EPS8: variants seen among roughly 807,000 people sequenced by gnomAD.
The protein encoded by EPS8 is epidermal growth factor receptor kinase substrate 8.
EPS8 carries 42 observed loss-of-function variants against 103.8 expected under a neutral mutation model. The observed-to-expected ratio is 0.40, with a 90% CI of 0.32 to 0.52. The LOEUF is 0.52. Among genes scored for constraint, EPS8 ranks in the 20% least tolerant of loss-of-function variants. The pLI, the probability that EPS8 is intolerant of heterozygous loss-of-function variation, is 0.40. For synonymous variants in EPS8, 344 were observed against 344.6 expected (o/e 1.00, Z 0.02); for missense variants, 969 against 1,005.1 (o/e 0.96, Z 0.49).
At position 15,769,747 on chromosome 12, in the gene EPS8, C is replaced by A. The variant is rs1470606004; in HGVS notation, c.-22+19414G>T. ...CAGTCTTTTGTCTAACACTAGCATT[C>A]ACGAGAATCTGATCACAGAGCAAAA... On this transcript the variant is annotated intron_variant, in intron 1 of 20. Transcript: ENST00000281172. The surrounding 1 kb of genome is among the most constrained non-coding windows in gnomAD (Gnocchi z 4.6). Among the ~76,000 whole-genome samples the A allele has an allele frequency of 6.6e-6, 1 of 152,116 alleles. No individual in the cohort carries two copies. The highest frequency in any genetic ancestry group is 1.9e-4 in the East Asian group (1 of 5,188).
intron 17 of EPS8, among the ~76,000 whole-genome samples, chr12:15,639,718 C>T (rs1006192159): frequency 1.2e-4 from 19 of 152,122 alleles, no homozygotes; most frequent in African/African-American, 3.1e-4. Context: ...TAAATTGTCA[C>T]GGCAGCAGAA....
At chr12:15,756,775 T>C (rs1946990304) in intron 1 of EPS8, among the ~76,000 whole-genome samples, 1 of 152,180 alleles carries the variant, frequency 6.6e-6, no homozygotes, top group African/African-American at 2.4e-5. Context: ...TTAAAACACA[T>C]ATATTTCTAT....
chr12:15,681,923 G>A (rs1946015874), intron 2 of EPS8, among the ~76,000 whole-genome samples: 3 of 151,954 alleles, frequency 2.0e-5, no homozygotes. Context: ...AGGACTATGG[G>A]AGGGGGAAAC....
intron 1 of EPS8, among the ~76,000 whole-genome samples, chr12:15,718,703 G>A (rs1946559709): frequency 6.6e-6 from 1 of 152,014 alleles, no homozygotes; most frequent in Non-Finnish European, 1.5e-5. Context: ...ACATGTTGGT[G>A]AATGTATATC....
chr12:15,678,351 T>C (rs1945945042), intron 3 of EPS8, among the ~76,000 whole-genome samples: 1 of 152,148 alleles, frequency 6.6e-6, no homozygotes, highest in Admixed American at 6.5e-5. Context: ...TGGTGGGTAT[T>C]AGAAACAAAG....
chr12:15,766,879 G>T (rs1485976718), intron 1 of EPS8, among the ~76,000 whole-genome samples: 1 of 151,974 alleles, frequency 6.6e-6, no homozygotes, highest in East Asian at 1.9e-4. Context: ...CTACCAAAAG[G>T]AATTAGTCTA....
rs1947169714 is a variant in EPS8, at chr12:15,773,000, G to A, written c.-22+16161C>T. 6.6e-6 allele frequency among the ~76,000 whole-genome samples: 1 copy of A among 152,152 alleles called. No homozygotes were observed. Among genetic ancestry groups the A allele is most frequent in the African/African-American group, 2.4e-5 (1 of 41,434 alleles). ...GATGGCAGATGACCTACAGACATAA[G>A]CTCAGCATCAGACCACAGTGGGCTC... On this transcript the variant is annotated intron_variant, in intron 1 of 20. Transcript: ENST00000281172. This position sits in a 1 kb window ranked among gnomAD's most constrained non-coding sequence, Gnocchi z 5.0.
At chr12:15,670,319 T>C (rs1442744045) in intron 4 of EPS8, among the ~76,000 whole-genome samples, 1 of 152,140 alleles carries the variant, frequency 6.6e-6, no homozygotes, top group South Asian at 2.1e-4. Flanking sequence ...GAAACAAAAC[T>C]GTTTAAATTT....
At position 15,693,973 on chromosome 12, in the gene EPS8, G is replaced by C. The variant is rs1046941111; in HGVS notation, c.-21-11001C>G. ...GGTCTTAACACCTAGGTGATGGGTT[G>C]ACAGGGGCAGCAAACCACAATGGAA... is the stretch of plus-strand genomic sequence containing the variant. On this transcript the variant is annotated intron_variant, in intron 1 of 20. Transcript: ENST00000281172. This position sits in a 1 kb window ranked among gnomAD's most constrained non-coding sequence, Gnocchi z 5.6. 3.9e-5 allele frequency among the ~76,000 whole-genome samples: 6 copies of C among 152,168 alleles called. No individual in the cohort carries two copies. The highest frequency in any genetic ancestry group is 5.9e-5 in the Non-Finnish European group (4 of 68,026).
rs943835484 is a variant in EPS8, at chr12:15,702,326, C to T, written c.-21-19354G>A. Among the ~76,000 whole-genome samples, 4 of 152,098 alleles carry T rather than the reference C, an allele frequency of 2.6e-5. No individual in the cohort carries two copies. The highest frequency in any genetic ancestry group is 6.6e-5 in the Admixed American group (1 of 15,266). ...CCTTAAAATCTATCGTTTACACAGG[C>T]GACAAGGTGAATAAAATTCTAGCAC... On this transcript the variant is annotated intron_variant, in intron 1 of 20. Transcript: ENST00000281172. This position sits in a 1 kb window ranked among gnomAD's most constrained non-coding sequence, Gnocchi z 5.1.
At position 15,733,353 on chromosome 12, in the gene EPS8, T is replaced by A. The variant is rs1946737465; in HGVS notation, c.-21-50381A>T. Among the ~76,000 whole-genome samples the A allele has an allele frequency of 6.6e-6, 1 of 152,110 alleles. No homozygotes were observed. Among genetic ancestry groups the A allele is most frequent in the Non-Finnish European group, 1.5e-5 (1 of 68,026 alleles). ...CATCAGATCTCATGAGAACTCACTC[T>A]CTATCGTGAGAACAGCATGGGGAAA... On this transcript the variant is annotated intron_variant, in intron 1 of 20. Coordinates refer to ENST00000281172, the MANE Select transcript of EPS8 (RefSeq NM_004447.6). This position sits in a 1 kb window ranked among gnomAD's most constrained non-coding sequence, Gnocchi z 4.8.
chr12:15,670,407 T>G (rs527839827), intron 4 of EPS8, among the ~76,000 whole-genome samples: 1 of 152,302 alleles, frequency 6.6e-6, no homozygotes, highest in South Asian at 2.1e-4. Context: ...AAATATTTTC[T>G]ATTATAAGCA....
At position 15,751,195 on chromosome 12, in the gene EPS8, T is replaced by G. The variant is rs1027215697; in HGVS notation, c.-22+37966A>C. ...CAACATAGTGAAACTCTGTCTCTAC[T>G]AAAAATATAAAAATTAGCCACACGT... On this transcript the variant is annotated intron_variant, in intron 1 of 20. Coordinates refer to ENST00000281172, the MANE Select transcript of EPS8 (RefSeq NM_004447.6). The surrounding 1 kb of genome is among the most constrained non-coding windows in gnomAD (Gnocchi z 4.3). Among the ~76,000 whole-genome samples the G allele has an allele frequency of 6.6e-6, 1 of 152,018 alleles. No homozygotes were observed. The highest frequency in any genetic ancestry group is 1.5e-5 in the Non-Finnish European group (1 of 67,996).
chr12:15,669,421 G>C lies in EPS8; in HGVS notation c.482C>G (p.Pro161Arg). 6.2e-7 allele frequency: 1 copy of C among 1,613,832 alleles called. No individual in the cohort carries two copies. Among genetic ancestry groups the C allele is most frequent in the Non-Finnish European group, 8.5e-7 (1 of 1,179,916 alleles). ...LVCKEPTQNK[P>R]DLHLFQCDEV... Reference sequence around the variant, plus strand: ...ATCACACTGGAAGAGATGAAGATCTGGCTTGTTCTGGGTTGGCTCTTTGCA... The same window carrying C: ...ATCACACTGGAAGAGATGAAGATCTCGCTTGTTCTGGGTTGGCTCTTTGCA... The change falls in exon 6 of 21, where the codon CCA becomes CGA. Residue 161 changes from proline (P) to arginine (R), a missense_variant. Pro to Arg is a moderately radical substitution (Grantham distance 103). Transcript: ENST00000281172.
At chr12:15,665,442 T>C (rs1945690415) in intron 8 of EPS8, 1 of 271,826 alleles carries the variant, frequency 3.7e-6, no homozygotes, top group Non-Finnish European at 6.9e-6. Context: ...GTGATTCTCC[T>C]GTCTCAACCA....
At chr12:15,651,441 G>A (rs1225542443) in intron 13 of EPS8, among the ~76,000 whole-genome samples, 1 of 152,036 alleles carries the variant, frequency 6.6e-6, no homozygotes, top group African/African-American at 2.4e-5. Flanking sequence ...GAAACCTCCT[G>A]GTATTAGATA....
chr12:15,671,260 C>T (rs539382177), intron 3 of EPS8, among the ~76,000 whole-genome samples: 3 of 152,184 alleles, frequency 2.0e-5, no homozygotes, highest in Admixed American at 2.0e-4. Flanking sequence ...TCAATTACAA[C>T]TGGCTTATAA....
chr12:15,719,599 T>C (rs549594288), intron 1 of EPS8, among the ~76,000 whole-genome samples: 2 of 152,306 alleles, frequency 1.3e-5, no homozygotes, highest in South Asian at 4.1e-4. Context: ...AGAGGACATA[T>C]CAGTTTTTAA....
Position 15,635,212 on chromosome 12 carries a change from G to C in EPS8, c.1822-3548C>G, listed in dbSNP as rs117722397. ...AAACTTTCTAAGCAGCCTGAACATA[G>C]AACATTTAATAAAATTATGTACATG... On this transcript the variant is annotated intron_variant, in intron 17 of 20. Transcript: ENST00000281172. 4.6e-3 allele frequency among the ~76,000 whole-genome samples: 706 copies of C among 152,058 alleles called. 3 individuals carry two copies. The highest frequency in any genetic ancestry group is 0.017 in the Middle Eastern group (5 of 294).
Sources: allele counts gnomAD v4.1 joint callset (sites outside exome capture counted in the v4.1 genomes callset), GRCh38; gene constraint gnomAD v4.1.1; non-coding constraint Gnocchi (gnomAD v3.1); transcripts MANE v1.5; gene names NCBI Gene and HGNC (gene_info 2026-07-23, HGNC 2026-07-21).